Variants in MYH2 observed in about 807,000 individuals in gnomAD.
The protein encoded by MYH2 is myosin heavy chain 2.
Under a neutral mutation model 228.1 loss-of-function variants are expected in MYH2, and 139 were observed. That is an observed-to-expected ratio of 0.61 (90% confidence interval 0.53 to 0.70). The LOEUF is 0.70. MYH2 is among the 30% of genes least tolerant of loss of function. The pLI is 0.00. For synonymous variants in MYH2, 796 were observed against 871.1 expected (o/e 0.91, Z 1.52); for missense variants, 1,809 against 2,357.5 (o/e 0.77, Z 4.82).
Position 10,543,726 on chromosome 17 carries a change from G to T in MYH2, c.726C>A (p.Asp242Glu). The change falls in exon 8 of 40, where the codon GAC becomes GAA. Residue 242 changes from aspartate (D) to glutamate (E), a missense_variant. By Grantham distance (45) the Asp-to-Glu change is conservative. This residue lies in a region of MYH2 where 373 missense variants were observed against 620.4 expected (regional missense o/e 0.60). Transcript: ENST00000245503. ...AFGNAKTVRN[D>E]NSSRFGKFIR... Reference sequence around the variant, plus strand: ...AGAGACTTACAAAGCGAGAGGAGTTGTCATTCCTCACGGTCTTGGCGTTGC... The same window carrying T: ...AGAGACTTACAAAGCGAGAGGAGTTTTCATTCCTCACGGTCTTGGCGTTGC... 6.2e-7 allele frequency: 1 copy of T among 1,614,204 alleles called. No homozygotes were observed. The highest frequency in any genetic ancestry group is 8.5e-7 in the Non-Finnish European group (1 of 1,180,008).
At position 10,537,173 on chromosome 17, in the gene MYH2, C is replaced by T; in HGVS notation, c.1897+60G>A. 6.2e-7 allele frequency: 1 copy of T among 1,608,056 alleles called. No individual in the cohort carries two copies. Among genetic ancestry groups the T allele is most frequent in the Non-Finnish European group, 8.5e-7 (1 of 1,175,590 alleles). ...TCTGCCAGACCTAAGAGATCACTAG[C>T]TTCAATTTAACATCACATTTTGTAA... On this transcript the variant is annotated intron_variant, in intron 16 of 39. Coordinates refer to ENST00000245503, the MANE Select transcript of MYH2 (RefSeq NM_017534.6). The surrounding 1 kb of genome is among the most constrained non-coding windows in gnomAD (Gnocchi z 4.0).
At chr17:10,536,651 G>A (rs370866624) in intron 16 of MYH2, 45 bp from the exon 17 acceptor site, 68 of 1,551,960 alleles carry the variant, frequency 4.4e-5, no homozygotes, top group Middle Eastern at 3.4e-4. Flanking sequence ...AATTGGCAGG[G>A]CTACTTCTTG....
In MYH2 at chr17:10,545,335, G is replaced by A. The variant is rs750226208; in HGVS notation, c.505+11C>T. 5.0e-6 allele frequency: 8 copies of A among 1,612,984 alleles called. No individual in the cohort carries two copies. In the Admixed American group the frequency reaches 8.3e-5, roughly 17 times the overall value. On this transcript the variant is annotated intron_variant, in intron 5 of 39. Coordinates refer to ENST00000245503, the MANE Select transcript of MYH2 (RefSeq NM_017534.6). ...AGGTTTACGCACTTGCAAAGCATTC[G>A]GCTCACTCACCAGTCAGCATGAACT...
rs1300584885 is a variant in MYH2 at position 10,540,531 on chromosome 17, TTA to T, written c.1008+61_1008+62del. 2.9e-6 allele frequency: 4 copies of T among 1,365,360 alleles called. No homozygotes were observed. The East Asian group carries it at 9.2e-5, about 32-fold the overall frequency. The allele number at this position is 1,365,360 out of a possible 1,614,324, so 84.6% of individuals were successfully genotyped here. Reference sequence around the variant, plus strand: ...GCCATTTCTACTAGACACTGAATATTTATCTGGATCACCATTACTCTGACCCA... The same window carrying T: ...GCCATTTCTACTAGACACTGAATATTTCTGGATCACCATTACTCTGACCCA... On this transcript the variant is annotated intron_variant, in intron 11 of 39. Coordinates refer to ENST00000245503, the MANE Select transcript of MYH2 (RefSeq NM_017534.6).
At chr17:10,538,845 A>G (rs1271343576) in intron 14 of MYH2, among the ~76,000 whole-genome samples, 1 of 152,140 alleles carries the variant, frequency 6.6e-6, no homozygotes, top group African/African-American at 2.4e-5. Flanking sequence ...TTATTTCATG[A>G]TATCACACTA....
intron 6 of MYH2, 40 bp from the exon 7 acceptor site, chr17:10,544,056 A>C (rs2073594299): frequency 1.9e-6 from 3 of 1,614,238 alleles, no homozygotes; most frequent in Non-Finnish European, 2.5e-6. Flanking sequence ...TCTCAAACCT[A>C]GCAGCTATCA....
intron 27 of MYH2, among the ~76,000 whole-genome samples, 196 bp downstream of exon 27, chr17:10,528,494 C>G (rs2073382430): frequency 2.6e-5 from 4 of 152,080 alleles, no homozygotes; most frequent in Admixed American, 2.0e-4. Context: ...CGTGATGGGT[C>G]AAAGTGCTTG....
At chr17:10,534,237 C>A (rs1306898759) in intron 19 of MYH2, among the ~76,000 whole-genome samples, 2 of 152,168 alleles carry the variant, frequency 1.3e-5, no homozygotes, top group African/African-American at 4.8e-5. Flanking sequence ...GTGACATGTT[C>A]CCTCTGCCTC....
chr17:10,537,419 C>G lies in MYH2; in HGVS notation c.1711G>C (p.Val571Leu). ...TGGGCCTCGGCCTTGCCTTTGACCACCTTGGGCTTCTGGAAGTTGGCAGAC... is the reference window on the plus strand; with the variant it reads ...TGGGCCTCGGCCTTGCCTTTGACCAGCTTGGGCTTCTGGAAGTTGGCAGAC... ...GKSANFQKPK[V>L]VKGKAEAHFA... The change falls in exon 16 of 40, where the codon GTG becomes CTG. Residue 571 changes from valine (V) to leucine (L), a missense_variant. Physicochemically the swap from Val to Leu is conservative, Grantham distance 32. Around this residue, in one of 9 missense-constraint regions of MYH2, gnomAD observed 41 missense variants for 35.1 expected, o/e 1.17. Coordinates refer to ENST00000245503, the MANE Select transcript of MYH2 (RefSeq NM_017534.6). This position sits in a 1 kb window ranked among gnomAD's most constrained non-coding sequence, Gnocchi z 4.0. 2 of 1,614,158 alleles carry G rather than the reference C, an allele frequency of 1.2e-6. No individual in the cohort carries two copies. Among genetic ancestry groups the G allele is most frequent in the Non-Finnish European group, 1.7e-6 (2 of 1,180,032 alleles).
At chr17:10,536,729 G>A (rs866915631) in intron 16 of MYH2, 123 bp from the exon 17 acceptor site, 1 of 855,380 alleles carries the variant, frequency 1.2e-6, no homozygotes, top group Non-Finnish European at 1.9e-6. Context: ...CTCTGATTGA[G>A]CCTGAATGAA....
At chr17:10,522,715 A>G (rs2073300026) in intron 39 of MYH2, among the ~76,000 whole-genome samples, 1 of 152,112 alleles carries the variant, frequency 6.6e-6, no homozygotes, top group South Asian at 2.1e-4. Flanking sequence ...ACTTATAATT[A>G]ATAATTATTT....
intron 10 of MYH2, among the ~76,000 whole-genome samples, chr17:10,540,953 A>T (rs1391721241): frequency 1.3e-5 from 2 of 152,204 alleles, no homozygotes; most frequent in African/African-American, 4.8e-5. Context: ...TGACGATTTC[A>T]TGGACATTTA....
chr17:10,540,283 G>A (rs1278074575), intron 11 of MYH2, among the ~76,000 whole-genome samples: 1 of 150,316 alleles, frequency 6.7e-6, no homozygotes. Context: ...CGGGAACTTA[G>A]AACAGAGAAC....
rs1322069625 is a variant in MYH2, at chr17:10,521,170, G to A, written c.*110C>T. The A allele has an allele frequency of 2.3e-6, 3 of 1,325,426 alleles. No individual in the cohort carries two copies. The highest frequency in any genetic ancestry group is 1.7e-5 in the Admixed American group (1 of 59,600). 82.1% of individuals were successfully genotyped at this position (1,325,426 alleles called of 1,614,324 possible). ...GGATATTGTTTGCAAACTACCCTATGCTTTATTTCCTTTGCAACAGGGTAG... is the reference window on the plus strand; with the variant it reads ...GGATATTGTTTGCAAACTACCCTATACTTTATTTCCTTTGCAACAGGGTAG... On this transcript the variant is annotated 3_prime_UTR_variant, in exon 40 of 40. Coordinates refer to ENST00000245503, the MANE Select transcript of MYH2 (RefSeq NM_017534.6).
chr17:10,525,431 T>C lies in MYH2; in HGVS notation c.4537+20A>G, dbSNP rs1312667954. ...GATTCTTCCAAGTTATGAATATTATTGAATATGATAGGGACTTACGCTGTA... is the reference window on the plus strand; with the variant it reads ...GATTCTTCCAAGTTATGAATATTATCGAATATGATAGGGACTTACGCTGTA... On this transcript the variant is annotated intron_variant, in intron 32 of 39. Coordinates refer to ENST00000245503, the MANE Select transcript of MYH2 (RefSeq NM_017534.6). This position sits in a 1 kb window ranked among gnomAD's most constrained non-coding sequence, Gnocchi z 4.2. 1 of 1,614,044 alleles carries C rather than the reference T, an allele frequency of 6.2e-7. No individual in the cohort carries two copies. The highest frequency in any genetic ancestry group is 8.5e-7 in the Non-Finnish European group (1 of 1,180,004).
At position 10,526,616 on chromosome 17, in the gene MYH2, C is replaced by T. The variant is rs774305565; in HGVS notation, c.4170G>A (p.Glu1390=). The change falls in exon 30 of 40, where the codon GAG becomes GAA. Residue 1390 remains glutamate, a synonymous_variant. Transcript: ENST00000245503. ...KYETDAIQRT[E]ELEEAKKKLA... ...GCACATACTTGGCCTCCTCCAGCTC[C>T]TCTGTGCGCTGGATGGCGTCCGTCT... 6 of 1,613,990 alleles carry T rather than the reference C, an allele frequency of 3.7e-6. No individual in the cohort carries two copies. The highest frequency in any genetic ancestry group is 1.3e-5 in the African/African-American group (1 of 75,048).
In MYH2 at chr17:10,528,992, C is replaced by T. The variant is rs775146540; in HGVS notation, c.3442G>A (p.Glu1148Lys). The change falls in exon 27 of 40, where the codon GAG becomes AAG. Residue 1148 changes from glutamate to lysine, a missense_variant. By Grantham distance (56) the Glu-to-Lys change is moderately conservative. Around this residue, in one of 9 missense-constraint regions of MYH2, gnomAD observed 636 missense variants for 729.9 expected, o/e 0.87. Transcript: ENST00000245503. ...AGCCTCTCGCTGATCTCCTCCAGCT[C>T]CCGGGAGAGGTCAGAGCGCTGCTTC... ...AEKQRSDLSR[E>K]LEEISERLEE... 2 of 1,614,092 alleles carry T rather than the reference C, an allele frequency of 1.2e-6. No homozygotes were observed. The highest frequency in any genetic ancestry group is 3.3e-5 in the Admixed American group (2 of 60,014).
In MYH2 at chr17:10,524,916, C is replaced by T. The variant is rs781155016; in HGVS notation, c.4812G>A (p.Gln1604=). The change falls in exon 34 of 40, where the codon CAG becomes CAA. Residue 1604 remains glutamine, a synonymous_variant. Transcript: ENST00000245503. This position sits in a 1 kb window ranked among gnomAD's most constrained non-coding sequence, Gnocchi z 4.7. ...RNHIRIVESM[Q]STLDAEIRSR... ...TCCTGATCTCAGCATCCAGCGTGCT[C>T]TGCATGGACTCCACGATTCTAATGT... 59 of 1,614,028 alleles carry T rather than the reference C, an allele frequency of 3.7e-5. No individual in the cohort carries two copies. Among genetic ancestry groups the T allele is most frequent in the Non-Finnish European group, 4.1e-5 (48 of 1,180,054 alleles).
At chr17:10,543,020 G>A in intron 9 of MYH2, 47 bp from the exon 10 acceptor site, 1 of 1,587,434 alleles carries the variant, frequency 6.3e-7, no homozygotes. Context: ...AAATTCATGT[G>A]ACATGCGAAT....
Sources: allele counts gnomAD v4.1 joint callset (sites outside exome capture counted in the v4.1 genomes callset), GRCh38; gene constraint gnomAD v4.1.1; regional missense constraint gnomAD v4.1.1; non-coding constraint Gnocchi (gnomAD v3.1); transcripts MANE v1.5; gene names NCBI Gene and HGNC (gene_info 2026-07-23, HGNC 2026-07-21).